PDCD10: variants seen among roughly 807,000 people sequenced by gnomAD.
PDCD10 encodes the protein programmed cell death protein 10.
Under a neutral mutation model 29.2 loss-of-function variants are expected in PDCD10, and 4 were observed. The observed-to-expected ratio is 0.14, with a 90% CI of 0.07 to 0.31. The LOEUF (loss-of-function observed/expected upper bound fraction) is 0.31, where lower values mean the gene tolerates loss of function less well. PDCD10 is among the 10% of genes least tolerant of loss of function. PDCD10 has a pLI of 1.00. For synonymous variants in PDCD10, 70 were observed against 82.2 expected (o/e 0.85, Z 0.80); for missense variants, 183 against 257.9 (o/e 0.71, Z 1.99).
intron 2 of PDCD10, among the ~76,000 whole-genome samples, chr3:167,727,669 T>C (rs928533184): frequency 5.9e-5 from 9 of 152,172 alleles, no homozygotes; most frequent in Non-Finnish European, 8.8e-5. Context: ...TTCCTCAGAG[T>C]GTTAGGTCCT....
At chr3:167,726,112 CTGTT>C (rs1397672611) in intron 2 of PDCD10, among the ~76,000 whole-genome samples, 2 of 128,246 alleles carry the variant, frequency 1.6e-5, no homozygotes, top group African/African-American at 3.1e-5. Flanking sequence ...TTGTAGAGTA[CTGTT>C]TTTTTTTTTT....
At chr3:167,686,776 G>C (rs1719668663) in intron 8 of PDCD10, among the ~76,000 whole-genome samples, 1 of 152,206 alleles carries the variant, frequency 6.6e-6, no homozygotes, top group Non-Finnish European at 1.5e-5. Flanking sequence ...AGTGTATAAA[G>C]TAGGCCAATG....
At chr3:167,693,005 T>TG (rs1425227149) in intron 6 of PDCD10, among the ~76,000 whole-genome samples, 1 of 152,224 alleles carries the variant, frequency 6.6e-6, no homozygotes, top group Non-Finnish European at 1.5e-5. Context: ...ATTAAAAGCC[T>TG]TTTTTATATT....
chr3:167,691,769 TG>T (rs1720267871), intron 6 of PDCD10, among the ~76,000 whole-genome samples: 1 of 152,222 alleles, frequency 6.6e-6, no homozygotes, highest in African/African-American at 2.4e-5. Flanking sequence ...ACATCAACAT[TG>T]GAAGTCTGTG....
chr3:167,707,852 T>C (rs923203679), intron 3 of PDCD10, among the ~76,000 whole-genome samples: 1 of 152,182 alleles, frequency 6.6e-6, no homozygotes, highest in African/African-American at 2.4e-5. Flanking sequence ...GGGCCTCAGT[T>C]ACACAGTATG....
intron 3 of PDCD10, among the ~76,000 whole-genome samples, chr3:167,706,123 T>G (rs888079680): frequency 3.9e-5 from 6 of 152,324 alleles, no homozygotes; most frequent in Admixed American, 2.6e-4. Flanking sequence ...CAAGTAAAAG[T>G]GCCCAGAAAG....
chr3:167,684,782 TACTC>T (rs1165208721), intron 8 of PDCD10, among the ~76,000 whole-genome samples: 3 of 152,244 alleles, frequency 2.0e-5, no homozygotes, highest in Non-Finnish European at 2.9e-5. Context: ...ATGGGCATAA[TACTC>T]AAGAAAAATC....
At position 167,695,737 on chromosome 3, in the gene PDCD10, A is replaced by G; in HGVS notation, c.269-15T>C. On this transcript the variant is annotated splice_polypyrimidine_tract_variant and intron_variant, in intron 5 of 8. Transcript: ENST00000392750. ...AATCATATACTCTGATAAAATAAAT[A>G]CATAATAAAAAACATCCTGCGACTC... is the stretch of plus-strand genomic sequence containing the variant. 6.2e-7 allele frequency: 1 copy of G among 1,612,548 alleles called. No homozygotes were observed.
intron 2 of PDCD10, among the ~76,000 whole-genome samples, chr3:167,724,495 T>G (rs1026777884): frequency 9.9e-5 from 15 of 152,232 alleles, no homozygotes; most frequent in Admixed American, 3.9e-4. Context: ...CAGAATCCTG[T>G]GTTTATGTTC....
intron 6 of PDCD10, among the ~76,000 whole-genome samples, chr3:167,688,964 A>G (rs1385876088): frequency 3.3e-5 from 5 of 152,164 alleles, no homozygotes; most frequent in Admixed American, 6.5e-5. Context: ...GAATTTTGAT[A>G]TTTTTTAAAA....
At chr3:167,722,553 C>T (rs576733271) in intron 2 of PDCD10, among the ~76,000 whole-genome samples, 16 of 152,090 alleles carry the variant, frequency 1.1e-4, no homozygotes, top group South Asian at 2.1e-4. Flanking sequence ...GAGGTTAAAG[C>T]GGTAACCTTC....
chr3:167,689,844 A>G (rs1041924658), intron 6 of PDCD10, among the ~76,000 whole-genome samples: 1 of 152,170 alleles, frequency 6.6e-6, no homozygotes, highest in Non-Finnish European at 1.5e-5. Context: ...CAAATTGTAG[A>G]AAAAATGTTC....
chr3:167,733,299 A>T lies in PDCD10; in HGVS notation c.-117+915T>A, dbSNP rs186205418. On this transcript the variant is annotated intron_variant, in intron 2 of 8. Transcript: ENST00000392750. Reference sequence around the variant, plus strand: ...AATAAATTCTGCCATCAATGAACATACTCTAACAATTCTATTAAAAACTTA... The same window carrying T: ...AATAAATTCTGCCATCAATGAACATTCTCTAACAATTCTATTAAAAACTTA... Among the ~76,000 whole-genome samples, 903 of 152,324 alleles carry T rather than the reference A, an allele frequency of 5.9e-3. 6 individuals carry two copies. Among genetic ancestry groups the T allele is most frequent in the Non-Finnish European group, 7.7e-3 (523 of 68,028 alleles).
intron 2 of PDCD10, among the ~76,000 whole-genome samples, chr3:167,726,762 C>A (rs981280209): frequency 2.6e-4 from 39 of 151,998 alleles, no homozygotes; most frequent in Admixed American, 2.4e-3. Context: ...AAACCAGATG[C>A]CTAGAACACA....
At chr3:167,719,832 T>C (rs1358667288) in intron 3 of PDCD10, among the ~76,000 whole-genome samples, 1 of 152,100 alleles carries the variant, frequency 6.6e-6, no homozygotes, top group Non-Finnish European at 1.5e-5. Flanking sequence ...TATAATTATT[T>C]GTGTTCTTTT....
intron 3 of PDCD10, among the ~76,000 whole-genome samples, chr3:167,710,780 C>A (rs1011200999): frequency 3.3e-5 from 5 of 152,204 alleles, no homozygotes; most frequent in African/African-American, 1.2e-4. Context: ...AGGTCTGACC[C>A]AGTGCAATTC....
At chr3:167,727,056 A>G (rs1456932467) in intron 2 of PDCD10, among the ~76,000 whole-genome samples, 1 of 152,204 alleles carries the variant, frequency 6.6e-6, no homozygotes, top group Non-Finnish European at 1.5e-5. Context: ...CAATGTTAAA[A>G]TTACTTTTCT....
At position 167,685,310 on chromosome 3, in the gene PDCD10, T is replaced by C. The variant is rs187754521; in HGVS notation, c.558-921A>G. ...TGTCTATAATCCCAGCTCGGGAGGC[T>C]GAGGCAGGAGAATTGCTTGAACCCA... On this transcript the variant is annotated intron_variant, in intron 8 of 8. Coordinates refer to ENST00000392750, the MANE Select transcript of PDCD10 (RefSeq NM_007217.4). Among the ~76,000 whole-genome samples, 81 of 145,720 alleles carry C rather than the reference T, an allele frequency of 5.6e-4. 2 individuals are homozygous for C. Among genetic ancestry groups the C allele is most frequent in the Admixed American group, 5.2e-3 (71 of 13,722 alleles).
intron 8 of PDCD10, among the ~76,000 whole-genome samples, chr3:167,686,211 A>G (rs948456104): frequency 1.3e-5 from 2 of 152,230 alleles, no homozygotes; most frequent in African/African-American, 4.8e-5. Context: ...ACTTTCCATC[A>G]GTTTATACAT....
Sources: allele counts gnomAD v4.1 joint callset (sites outside exome capture counted in the v4.1 genomes callset), GRCh38; gene constraint gnomAD v4.1.1; transcripts MANE v1.5; gene names NCBI Gene and HGNC (gene_info 2026-07-23, HGNC 2026-07-21).